Variants in TM2D3 observed in about 807,000 individuals in gnomAD.
The protein encoded by TM2D3 is TM2 domain containing 3.
A neutral mutation model predicts 27.3 loss-of-function variants in TM2D3; 33 were observed. That is an observed-to-expected ratio of 1.21 (90% confidence interval 0.92 to 1.61). TM2D3 has a LOEUF of 1.61. Among genes scored for constraint, TM2D3 ranks in the 40% most tolerant of loss-of-function variants. The pLI, the probability that TM2D3 is intolerant of heterozygous loss-of-function variation, is 0.00. For synonymous variants in TM2D3, 138 were observed against 122.2 expected, an observed-to-expected ratio of 1.13 and a Z score of -0.85; for missense variants, 364 against 320.8, an observed-to-expected ratio of 1.13 and a Z score of -1.03.
chr15:101,652,126 C>G (rs1236939134), intron 1 of TM2D3, 145 bp downstream of exon 1: 12 of 788,670 alleles, frequency 1.5e-5, no homozygotes, highest in Non-Finnish European at 2.2e-5. Flanking sequence ...GCGCCAGACT[C>G]CAGATGCAGC....
downstream of TM2D3, among the ~76,000 whole-genome samples, chr15:101,638,360 T>C (rs1896595348): frequency 6.6e-6 from 1 of 151,932 alleles, no homozygotes; most frequent in South Asian, 2.1e-4. Flanking sequence ...AATGGTATGA[T>C]CTCGGCTCAC....
At chr15:101,646,319 C>T (rs1399129030) in intron 4 of TM2D3, 1 of 152,090 alleles carries the variant, frequency 6.6e-6, no homozygotes, top group Non-Finnish European at 1.5e-5. Flanking sequence ...AATAAAACTA[C>T]AGAAAAAATT....
At chr15:101,649,819 T>C (rs1018056815) in intron 3 of TM2D3, among the ~76,000 whole-genome samples, 185 bp downstream of exon 3, 1 of 152,226 alleles carries the variant, frequency 6.6e-6, no homozygotes. Context: ...ACTAAAACAG[T>C]AGTGAGCTGA....
At position 101,633,909 on chromosome 15, in the gene TM2D3, T is replaced by C. The variant is rs569784477; in HGVS notation, c.501-181A>G. On this transcript the variant is annotated intron_variant, in intron 4 of 4. Coordinates refer to the TM2D3 transcript ENST00000428002. ...AGAAGACTCAGACATTGGGATTACC[T>C]GACAAGAATTTTAAAGCAACTATCA... 21 of 461,512 alleles carry C rather than the reference T, an allele frequency of 4.6e-5. 2 individuals are homozygous for C. Among genetic ancestry groups the C allele is most frequent in the African/African-American group, 3.7e-4 (19 of 51,312 alleles). The allele number at this position is 461,512 out of a possible 1,614,324, so 28.6% of individuals were successfully genotyped here. A position where few individuals can be genotyped will look rare whatever the true frequency, so the allele number is the denominator to read the frequency against.
At chr15:101,633,591 C>G in exon 5 of TM2D3, 2 of 1,154,078 alleles carry the variant, frequency 1.7e-6, no homozygotes, top group Non-Finnish European at 2.5e-6. Flanking sequence ...GTTAGGGACG[C>G]TCATCTGCAA....
chr15:101,642,162 A>T lies in TM2D3; in HGVS notation c.*317T>A. On this transcript the variant is annotated 3_prime_UTR_variant, in exon 6 of 6. Coordinates refer to ENST00000333202, the MANE Select transcript of TM2D3 (RefSeq NM_078474.3). ...GGCAGACTACATTTGGGCTGGAGATACAAGTGATGTAGTTTGACTTGGGCA... is the reference window on the plus strand; with the variant it reads ...GGCAGACTACATTTGGGCTGGAGATTCAAGTGATGTAGTTTGACTTGGGCA... 37 of 1,020,884 alleles carry T rather than the reference A, an allele frequency of 3.6e-5. No individual in the cohort carries two copies. Among genetic ancestry groups the T allele is most frequent in the Non-Finnish European group, 4.1e-5 (35 of 853,554 alleles). The allele number at this position is 1,020,884 out of a possible 1,614,324, so 63.2% of individuals were successfully genotyped here.
chr15:101,645,381 T>C, intron 4 of TM2D3: 1 of 561,286 alleles, frequency 1.8e-6, no homozygotes. Flanking sequence ...CATGAAATGC[T>C]CACCCACATA....
downstream of TM2D3, chr15:101,641,731 A>T: frequency 3.5e-6 from 1 of 282,674 alleles, no homozygotes; most frequent in Non-Finnish European, 5.3e-6. Context: ...CCAGCCAATT[A>T]TGACTCTGTT....
At chr15:101,648,611 G>A (rs1896882628) in intron 3 of TM2D3, among the ~76,000 whole-genome samples, 1 of 152,214 alleles carries the variant, frequency 6.6e-6, no homozygotes, top group African/African-American at 2.4e-5. Context: ...TGCTTCCAGA[G>A]AGAGCTGATT....
chr15:101,649,042 A>T (rs1312566626), intron 3 of TM2D3, among the ~76,000 whole-genome samples: 1 of 151,492 alleles, frequency 6.6e-6, no homozygotes, highest in Non-Finnish European at 1.5e-5. Flanking sequence ...TAATCAAATT[A>T]AAAAAAAATT....
intron 3 of TM2D3, among the ~76,000 whole-genome samples, chr15:101,648,705 C>T (rs989289658): frequency 3.3e-4 from 50 of 152,336 alleles, no homozygotes; most frequent in Middle Eastern, 3.4e-3. Context: ...AGTACATTAC[C>T]TCTAGAGCTG....
chr15:101,642,719 C>T (rs1273717480), intron 5 of TM2D3, 75 bp from the exon 6 acceptor site: 2 of 1,300,978 alleles, frequency 1.5e-6, no homozygotes, highest in East Asian at 2.6e-5. Context: ...TTAATCACCA[C>T]ATTATGTCAG....
downstream of TM2D3, among the ~76,000 whole-genome samples, chr15:101,637,625 A>G (rs1164216332): frequency 6.6e-6 from 1 of 152,178 alleles, no homozygotes; most frequent in Non-Finnish European, 1.5e-5. Flanking sequence ...CAAGAGGGAA[A>G]AAAGGTCAGA....
At chr15:101,646,416 C>G (rs1390902104) in intron 4 of TM2D3, 1 of 337,838 alleles carries the variant, frequency 3.0e-6, no homozygotes, top group East Asian at 7.7e-5. Context: ...CACTCAGGCA[C>G]TCAGGCGGCC....
chr15:101,643,599 T>TTAAAA (rs1309191747), intron 5 of TM2D3, among the ~76,000 whole-genome samples: 11 of 47,334 alleles, frequency 2.3e-4, no homozygotes, highest in Non-Finnish European at 3.5e-4. Context: ...GAGACTCCGT[T>TTAAAA]AAAAAAAAAA....
downstream of TM2D3, among the ~76,000 whole-genome samples, chr15:101,638,348 G>A (rs1896594809): frequency 1.3e-5 from 2 of 151,610 alleles, no homozygotes; most frequent in African/African-American, 4.9e-5. Context: ...AGGCTGGAGT[G>A]CAATGGTATG....
At chr15:101,637,746 T>C (rs1005337131), downstream of TM2D3, among the ~76,000 whole-genome samples, 6 of 152,254 alleles carry the variant, frequency 3.9e-5, no homozygotes, top group East Asian at 9.7e-4. Context: ...TATTTTTATT[T>C]ATTTTTTTTA....
chr15:101,636,936 T>A (rs750261475), downstream of TM2D3: 161 of 433,522 alleles, frequency 3.7e-4, no homozygotes, highest in Non-Finnish European at 6.9e-4. Context: ...AGTCCAACTC[T>A]GTAAAATATT....
chr15:101,642,473 C>A lies in TM2D3; in HGVS notation c.*6G>T. 6.2e-7 allele frequency: 1 copy of A among 1,604,738 alleles called. No individual in the cohort carries two copies. Among genetic ancestry groups the A allele is most frequent in the Non-Finnish European group, 8.5e-7 (1 of 1,174,744 alleles). On this transcript the variant is annotated 3_prime_UTR_variant, in exon 6 of 6. Transcript: ENST00000333202. ...GCCCTGCTCCTTTCTGAAGCACACA[C>A]CACAGCTAAATGTACAAAGAGCCAT...
Sources: gnomAD v4.1 joint callset for allele counts (sites outside exome capture counted in the v4.1 genomes callset) on GRCh38, gnomAD v4.1.1 for gene constraint, MANE v1.5 for transcripts, NCBI Gene and HGNC (gene_info 2026-07-23, HGNC 2026-07-21) for gene names.